Variants in KIF17 observed in about 807,000 individuals in gnomAD.
KIF17 encodes the protein kinesin-like protein KIF17.
A neutral mutation model predicts 96.8 loss-of-function variants in KIF17; 80 were observed. The ratio of observed to expected loss-of-function variants is 0.83; its 90% CI spans 0.69 to 1.00. The LOEUF (loss-of-function observed/expected upper bound fraction) is 1.00, where lower values mean the gene tolerates loss of function less well. Among genes scored for constraint, KIF17 ranks in the 50% least tolerant of loss-of-function variants. The probability of loss-of-function intolerance (pLI) is 0.00; values close to 1 mark genes in which losing one functional copy is unlikely to be tolerated. For synonymous variants in KIF17, 567 were observed against 587.5 expected, an observed-to-expected ratio of 0.97 and a Z score of 0.51; for missense variants, 1,280 against 1,372.9, an observed-to-expected ratio of 0.93 and a Z score of 1.07.
At position 20,687,697 on chromosome 1, in the gene KIF17, C is replaced by T. The variant is rs953097695; in HGVS notation, c.1629G>A (p.Ser543=). 1.2e-6 allele frequency: 2 copies of T among 1,614,158 alleles called. No individual in the cohort carries two copies. Among genetic ancestry groups the T allele is most frequent in the Middle Eastern group, 1.6e-4 (1 of 6,062 alleles). ...EISLGSSESS[S]LEETSVSEAF... The stretch of plus-strand genomic sequence containing the variant: ...CCTCGGACACAGAGGTTTCTTCGAG[C>T]GAGGATGACTCACTGGAGCCCAGAG... Residue 543 remains serine, a synonymous_variant, in exon 8 of 15, where the codon TCG becomes TCA. Coordinates refer to ENST00000400463, the MANE Select transcript of KIF17 (RefSeq NM_001122819.3). This position sits in a 1 kb window ranked among gnomAD's most constrained non-coding sequence, Gnocchi z 4.4.
chr1:20,678,406 C>CA (rs1031680240), intron 11 of KIF17, among the ~76,000 whole-genome samples: 4 of 151,766 alleles, frequency 2.6e-5, no homozygotes, highest in African/African-American at 7.2e-5. Flanking sequence ...TTTCCTTATA[C>CA]AAAAAAAATT....
At chr1:20,698,578 T>C in intron 5 of KIF17, 90 bp from the exon 6 acceptor site, 1 of 826,504 alleles carries the variant, frequency 1.2e-6, no homozygotes, top group Admixed American at 2.0e-5. Flanking sequence ...GACCTCATGG[T>C]CATTCAAGAA....
intron 5 of KIF17, among the ~76,000 whole-genome samples, chr1:20,702,951 G>C (rs1557600628): frequency 6.6e-6 from 1 of 152,208 alleles, no homozygotes; most frequent in Admixed American, 6.5e-5. Flanking sequence ...TACCCAGCAC[G>C]TGTCCACACA....
chr1:20,691,624 A>ATTTTTTTTTTTTTT (rs72410884), intron 6 of KIF17, among the ~76,000 whole-genome samples: 1 of 122,990 alleles, frequency 8.1e-6, no homozygotes, highest in Admixed American at 8.7e-5. Flanking sequence ...ACGTCTGGCT[A>ATTTTTTTTTTTTTT]TTTTTTTTTT....
intron 13 of KIF17, among the ~76,000 whole-genome samples, chr1:20,667,862 T>C (rs987224041): frequency 1.3e-5 from 2 of 151,676 alleles, no homozygotes; most frequent in African/African-American, 4.9e-5. Context: ...GCAAAAAAAT[T>C]AGCTGGACGT....
rs1343978729 is a variant in KIF17 at position 20,664,536 on chromosome 1, T to C, written c.*48A>G. The C allele has an allele frequency of 6.2e-6, 10 of 1,613,338 alleles. No homozygotes were observed. The highest frequency in any genetic ancestry group is 7.6e-6 in the Non-Finnish European group (9 of 1,180,002). ...TGGTTGGGGCTGCCCTGGGAGGGCC[T>C]GGCAGTCTCTACATGCCTATAAGGC... On this transcript the variant is annotated 3_prime_UTR_variant, in exon 15 of 15. Coordinates refer to ENST00000400463, the MANE Select transcript of KIF17 (RefSeq NM_001122819.3).
At chr1:20,665,857 AATGCTGGCGTGTGACTCGCCAGG>A (rs2053517184) in intron 14 of KIF17, among the ~76,000 whole-genome samples, 2 of 152,202 alleles carry the variant, frequency 1.3e-5, no homozygotes, top group Non-Finnish European at 2.9e-5. Context: ...AGGAAGTCAC[AATGCTGGCGTGTGACTCGCCAGG>A]AAGCTGGCGC....
In KIF17 at chr1:20,699,805, G is replaced by C. The variant is rs899241329; in HGVS notation, c.1124-1317C>G. On this transcript the variant is annotated intron_variant, in intron 5 of 14. Coordinates refer to ENST00000400463, the MANE Select transcript of KIF17 (RefSeq NM_001122819.3). This position sits in a 1 kb window ranked among gnomAD's most constrained non-coding sequence, Gnocchi z 4.3. The stretch of plus-strand genomic sequence containing the variant: ...CTGGAGGGGAGGGAGTGATGGGCAG[G>C]ACAGGTGGAGAAGTCCAAGAGGGAT... 1.3e-5 allele frequency among the ~76,000 whole-genome samples: 2 copies of C among 152,192 alleles called. No homozygotes were observed. Among genetic ancestry groups the C allele is most frequent in the African/African-American group, 4.8e-5 (2 of 41,442 alleles).
chr1:20,696,719 A>G (rs2054147361), intron 6 of KIF17, among the ~76,000 whole-genome samples: 1 of 151,132 alleles, frequency 6.6e-6, no homozygotes, highest in African/African-American at 2.4e-5. Flanking sequence ...ATCTGTGACC[A>G]GAGCCCCCCG....
intron 7 of KIF17, among the ~76,000 whole-genome samples, chr1:20,688,559 C>G (rs1020720150): frequency 3.3e-5 from 5 of 152,208 alleles, no homozygotes; most frequent in Admixed American, 6.5e-5. Context: ...GCTCTTAAGT[C>G]ACACCCAGCC....
intron 10 of KIF17, among the ~76,000 whole-genome samples, chr1:20,684,290 T>C (rs964918500): frequency 1.3e-5 from 2 of 152,250 alleles, no homozygotes; most frequent in African/African-American, 4.8e-5. Context: ...AACTGTGGCC[T>C]CTGGGACTGG....
intron 4 of KIF17, among the ~76,000 whole-genome samples, chr1:20,708,472 G>C (rs904657348): frequency 1.3e-5 from 2 of 152,128 alleles, no homozygotes; most frequent in African/African-American, 4.8e-5. Flanking sequence ...TCCTGACCCT[G>C]ATCCCTGGGT....
chr1:20,704,719 T>C lies in KIF17; in HGVS notation c.851A>G (p.His284Arg). The change falls in exon 5 of 15, where the codon CAC becomes CGC. Residue 284 changes from histidine to arginine, a missense_variant. Physicochemically the swap from His to Arg is conservative, Grantham distance 29. Transcript: ENST00000400463. The surrounding 1 kb of genome is among the most constrained non-coding windows in gnomAD (Gnocchi z 6.8). The part of the protein sequence containing the change: ...ISALVDGRCK[H>R]VPYRDSKLTR... ...CAGCTTCGAGTCACGGTAGGGGACG[T>C]GCTTACAGCGCCCGTCCACCAGCGC... 6.2e-7 allele frequency: 1 copy of C among 1,613,472 alleles called. No homozygotes were observed. The highest frequency in any genetic ancestry group is 1.1e-5 in the South Asian group (1 of 91,058).
intron 3 of KIF17, among the ~76,000 whole-genome samples, chr1:20,712,184 T>C (rs2054449706): frequency 6.6e-6 from 1 of 152,030 alleles, no homozygotes; most frequent in Non-Finnish European, 1.5e-5. Context: ...GGAGGAGGGC[T>C]CCCTGCTGCT....
At chr1:20,703,176 T>C (rs1208567653) in intron 5 of KIF17, among the ~76,000 whole-genome samples, 4 of 147,396 alleles carry the variant, frequency 2.7e-5, no homozygotes, top group African/African-American at 1.0e-4. Flanking sequence ...GATGGATGGA[T>C]GAATGGATGG....
At chr1:20,682,600 G>T in intron 11 of KIF17, 53 bp downstream of exon 11, 1 of 1,509,932 alleles carries the variant, frequency 6.6e-7, no homozygotes, top group Non-Finnish European at 9.2e-7. Flanking sequence ...TGGATCGGGG[G>T]GTCTCACCCA....
At chr1:20,681,225 T>C (rs374933073) in intron 11 of KIF17, among the ~76,000 whole-genome samples, 1 of 150,894 alleles carries the variant, frequency 6.6e-6, no homozygotes, top group East Asian at 2.0e-4. Context: ...AGTCTCGCAC[T>C]GTCACCCAGG....
At chr1:20,688,151 A>AT (rs968352825) in intron 7 of KIF17, among the ~76,000 whole-genome samples, 9 of 151,372 alleles carry the variant, frequency 5.9e-5, no homozygotes, top group Non-Finnish European at 1.0e-4. Context: ...GGTTCATGCC[A>AT]TTCTCCTGCC....
intron 6 of KIF17, among the ~76,000 whole-genome samples, chr1:20,691,759 A>G (rs1414764504): frequency 6.6e-6 from 1 of 151,852 alleles, no homozygotes; most frequent in East Asian, 1.9e-4. Context: ...ATGAGCCACC[A>G]TGCCCAGCCT....
Sources: gnomAD v4.1 joint callset for allele counts (sites outside exome capture counted in the v4.1 genomes callset) on GRCh38, gnomAD v4.1.1 for gene constraint, Gnocchi (gnomAD v3.1) non-coding constraint, MANE v1.5 for transcripts, NCBI Gene and HGNC (gene_info 2026-07-23, HGNC 2026-07-21) for gene names.